Variants in GRAMD1B observed in about 807,000 individuals in gnomAD.
GRAMD1B encodes protein Aster-B.
GRAMD1B carries 37 observed loss-of-function variants against 99.7 expected under a neutral mutation model. That is an observed-to-expected ratio of 0.37 (90% CI 0.29 to 0.49). The LOEUF (loss-of-function observed/expected upper bound fraction) is 0.49. GRAMD1B is among the 20% of genes least tolerant of loss of function. The pLI, the probability that GRAMD1B is intolerant of heterozygous loss-of-function variation, is 0.98. For synonymous variants in GRAMD1B, 427 were observed against 387.6 expected, an observed-to-expected ratio of 1.10 and a Z score of -1.19; for missense variants, 888 against 1,009.2, an observed-to-expected ratio of 0.88 and a Z score of 1.63.
chr11:123,420,367 G>A (rs747926849), intron 1 of GRAMD1B, among the ~76,000 whole-genome samples: 40 of 152,074 alleles, frequency 2.6e-4, no homozygotes, highest in Admixed American at 5.9e-4. Flanking sequence ...AAGACACTTG[G>A]GTAAAAATGA....
At chr11:123,419,951 T>G (rs1206314508) in intron 1 of GRAMD1B, among the ~76,000 whole-genome samples, 1 of 152,086 alleles carries the variant, frequency 6.6e-6, no homozygotes, top group East Asian at 1.9e-4. Flanking sequence ...AGGTCCTGCA[T>G]AGGTAGCAAA....
chr11:123,386,976 T>C (rs1947086361), intron 1 of GRAMD1B, among the ~76,000 whole-genome samples: 1 of 152,214 alleles, frequency 6.6e-6, no homozygotes, highest in Non-Finnish European at 1.5e-5. Context: ...AAGGAATGCC[T>C]AGTCCATTTC....
intron 2 of GRAMD1B, among the ~76,000 whole-genome samples, chr11:123,536,854 T>C (rs760281018): frequency 6.6e-6 from 1 of 152,184 alleles, no homozygotes; most frequent in Non-Finnish European, 1.5e-5. Flanking sequence ...ACTTGACCAC[T>C]GCACTGGAGG....
In GRAMD1B at chr11:123,599,250, C is replaced by T. The variant is rs919111996; in HGVS notation, c.970-1218C>T. 8 of 747,842 alleles carry T rather than the reference C, an allele frequency of 1.1e-5. No homozygotes were observed. The East Asian group carries it at 1.3e-4, about 12-fold the overall frequency. 46.3% of individuals were successfully genotyped at this position (747,842 alleles called of 1,614,324 possible). A position where few individuals can be genotyped will look rare whatever the true frequency, so the allele number is the denominator to read the frequency against. ...TGAAATGGCACCGAGCTCCTCCTTT[C>T]GTAATCCATCCTTATCATCATACAA... is the stretch of plus-strand genomic sequence containing the variant. On this transcript the variant is annotated intron_variant, in intron 7 of 19. Coordinates refer to ENST00000635736, the MANE Select transcript of GRAMD1B (RefSeq NM_001387025.1).
rs546721554 is a variant in GRAMD1B at position 123,575,952 on chromosome 11, C to A, written c.453-1415C>A. 2.6e-5 allele frequency among the ~76,000 whole-genome samples: 4 copies of A among 152,242 alleles called. No individual in the cohort carries two copies. In the East Asian group the frequency reaches 7.7e-4, roughly 29 times the overall value. ...ACATTGGGCCTTGCTTTTCTCCATA[C>A]ATATTTGGGGCACATTTATCTTCCT... On this transcript the variant is annotated intron_variant, in intron 2 of 19. Coordinates refer to ENST00000635736, the MANE Select transcript of GRAMD1B (RefSeq NM_001387025.1).
chr11:123,485,549 A>G (rs1937639841), intron 2 of GRAMD1B, among the ~76,000 whole-genome samples: 1 of 152,138 alleles, frequency 6.6e-6, no homozygotes, highest in South Asian at 2.1e-4. Context: ...ACATTTGCTG[A>G]GTGGGTGTGG....
intron 19 of GRAMD1B, among the ~76,000 whole-genome samples, chr11:123,621,751 G>C (rs1955136583): frequency 6.6e-6 from 1 of 152,206 alleles, no homozygotes. Flanking sequence ...TCAAGTCAGT[G>C]ACAGCCTGAG....
intron 8 of GRAMD1B, 93 bp downstream of exon 8, chr11:123,600,641 TA>T: frequency 2.7e-6 from 2 of 746,690 alleles, no homozygotes; most frequent in South Asian, 3.3e-5. Flanking sequence ...CCACTGATAG[TA>T]TTCTCCCACT....
intron 1 of GRAMD1B, among the ~76,000 whole-genome samples, chr11:123,441,189 G>A (rs1252912076): frequency 6.6e-6 from 1 of 152,164 alleles, no homozygotes; most frequent in Admixed American, 6.5e-5. Flanking sequence ...AAGAGAGGTA[G>A]GGGTGTCAGG....
chr11:123,578,350 C>G, intron 3 of GRAMD1B: 41 of 1,349,730 alleles, frequency 3.0e-5, no homozygotes, highest in Non-Finnish European at 3.9e-5. Context: ...ATTTCTTGTT[C>G]TTCCTCTCCT....
intron 1 of GRAMD1B, among the ~76,000 whole-genome samples, chr11:123,446,096 A>C (rs1306872682): frequency 1.3e-5 from 2 of 152,136 alleles, no homozygotes; most frequent in Non-Finnish European, 2.9e-5. Context: ...CCAGATTCCG[A>C]GGAAGGTCCA....
At position 123,566,624 on chromosome 11, in the gene GRAMD1B, C is replaced by G. The variant is rs371996053; in HGVS notation, c.453-10743C>G. ...TACTAAAAATACAAAAAATTAGCCACGCGTGGTGGCGGGCGCCTGTAGTCC... is the reference window on the plus strand; with the variant it reads ...TACTAAAAATACAAAAAATTAGCCAGGCGTGGTGGCGGGCGCCTGTAGTCC... On this transcript the variant is annotated intron_variant, in intron 2 of 19. Coordinates refer to ENST00000635736, the MANE Select transcript of GRAMD1B (RefSeq NM_001387025.1). Among the ~76,000 whole-genome samples the G allele has an allele frequency of 6.9e-4, 105 of 152,212 alleles. No individual in the cohort carries two copies. The South Asian group carries it at 0.013, about 18-fold the overall frequency.
intron 2 of GRAMD1B, chr11:123,526,062 C>T (rs981997422): frequency 6.6e-5 from 76 of 1,144,030 alleles, no homozygotes; most frequent in Middle Eastern, 5.7e-4. Context: ...TTTGGGACTT[C>T]GTCATCTTTT....
chr11:123,373,783 A>G (rs1262846962), intron 1 of GRAMD1B, among the ~76,000 whole-genome samples: 1 of 152,196 alleles, frequency 6.6e-6, no homozygotes. Flanking sequence ...GAGTTAATGA[A>G]TTATTCTGTG....
chr11:123,609,663 G>C (rs981516520), intron 12 of GRAMD1B, 132 bp from the exon 13 acceptor site: 22 of 606,038 alleles, frequency 3.6e-5, no homozygotes, highest in Middle Eastern at 7.3e-4. Context: ...CGGCCCTCGG[G>C]CTCCCATTGG....
rs531376290 is a variant in GRAMD1B at position 123,385,187 on chromosome 11, A to G, written c.-176+26388A>G. On this transcript the variant is annotated intron_variant, in intron 1 of 20. Transcript: ENST00000638157. Reference sequence around the variant, plus strand: ...TGGTATTGTGGGAGAGAAACCTAAGATAGCTTCATCTTTACATTTTCCTTC... The same window carrying G: ...TGGTATTGTGGGAGAGAAACCTAAGGTAGCTTCATCTTTACATTTTCCTTC... 2.6e-4 allele frequency among the ~76,000 whole-genome samples: 40 copies of G among 152,292 alleles called. 1 individual carries two copies. In the South Asian group the frequency reaches 3.9e-3, roughly 15 times the overall value.
intron 1 of GRAMD1B, chr11:123,458,435 G>C (rs183167496): frequency 3.9e-5 from 6 of 152,176 alleles, no homozygotes; most frequent in Non-Finnish European, 8.8e-5. Flanking sequence ...CGGATCTTCC[G>C]CACCTAGTCC....
At chr11:123,511,250 C>T (rs1450352025) in intron 2 of GRAMD1B, among the ~76,000 whole-genome samples, 1 of 152,188 alleles carries the variant, frequency 6.6e-6, no homozygotes, top group Non-Finnish European at 1.5e-5. Flanking sequence ...GACTGCCTCT[C>T]ATCCTGCAGC....
chr11:123,593,990 A>G, intron 4 of GRAMD1B, 92 bp from the exon 5 acceptor site: 1 of 882,112 alleles, frequency 1.1e-6, no homozygotes, highest in Admixed American at 1.9e-5. Context: ...TTTGCTTTTT[A>G]AACACACAAG....
Sources: gnomAD v4.1 joint callset for allele counts (sites outside exome capture counted in the v4.1 genomes callset) on GRCh38, gnomAD v4.1.1 for gene constraint, MANE v1.5 for transcripts, NCBI Gene and HGNC (gene_info 2026-07-23, HGNC 2026-07-21) for gene names.